The following CCL24 variants were observed in gnomAD, a reference collection of about 807,000 sequenced individuals.
CCL24 encodes the protein C-C motif chemokine ligand 24.
A neutral mutation model predicts 8.6 loss-of-function variants in CCL24; 6 were observed. The ratio of observed to expected loss-of-function variants is 0.70; its 90% CI spans 0.38 to 1.38. The LOEUF is 1.38. CCL24 is among the 40% of genes most tolerant of loss of function. CCL24 has a pLI of 0.02. For synonymous variants in CCL24, 59 were observed against 52.7 expected (o/e 1.12, Z -0.52); for missense variants, 126 against 147.1 (o/e 0.86, Z 0.74).
Position 75,813,352 on chromosome 7 carries a change from T to C in CCL24, c.145A>G (p.Ser49Gly), listed in dbSNP as rs2302007. The C allele has an allele frequency of 8.1e-6, 13 of 1,613,642 alleles. No homozygotes were observed. In the East Asian group the frequency reaches 2.9e-4, roughly 36 times the overall value. The change falls in exon 2 of 3, where the codon AGC becomes GGC. Residue 49 changes from serine (S) to glycine (G), a missense_variant. Transcript: ENST00000222902. ...GTGCTCCTGCTGGACAGCTGGTAGC[T>C]GACCACTCGGTTCTCAGGAATTCTC... The part of the protein sequence containing the change: ...SKRIPENRVV[S>G]YQLSSRSTCL...
Position 75,810,853 on chromosome 7 carries a change from T to G in CCL24, c.*943A>C, listed in dbSNP as rs564887753. On this transcript the variant is annotated 3_prime_UTR_variant, in exon 3 of 3. Coordinates refer to ENST00000222902, the MANE Select transcript of CCL24 (RefSeq NM_002991.3). ...AAAGAAAAAAAGAATCGCATTTTAT[T>G]TGGCCTATTATTTGAGAACAGCAAC... Among the ~76,000 whole-genome samples, 1 of 151,864 alleles carries G rather than the reference T, an allele frequency of 6.6e-6. No homozygotes were observed. Among genetic ancestry groups the G allele is most frequent in the African/African-American group, 2.4e-5 (1 of 41,384 alleles).
intron 1 of CCL24, among the ~76,000 whole-genome samples, chr7:75,822,120 A>G (rs1804064044): frequency 6.6e-6 from 1 of 151,992 alleles, no homozygotes; most frequent in South Asian, 2.1e-4. Context: ...AAGAAAAAAA[A>G]TCAGAACAAG....
chr7:75,812,075 G>T (rs2115774276), intron 2 of CCL24, 111 bp from the exon 3 acceptor site: 1 of 829,146 alleles, frequency 1.2e-6, no homozygotes, highest in Non-Finnish European at 1.9e-6. Context: ...TTCCTTGCAA[G>T]TTGCTGAGAT....
intron 1 of CCL24, among the ~76,000 whole-genome samples, chr7:75,820,018 A>ACGT (rs1230617445): frequency 0.065 from 6,809 of 104,564 alleles, 617 homozygotes; most frequent in African/African-American, 0.12. Context: ...TTAGTAAACT[A>ACGT]CTTCTTCTTC....
At chr7:75,818,824 G>C (rs1246857223) in intron 1 of CCL24, among the ~76,000 whole-genome samples, 1 of 151,952 alleles carries the variant, frequency 6.6e-6, no homozygotes, top group Non-Finnish European at 1.5e-5. Flanking sequence ...GTGTTGGCCA[G>C]AGCGGCCTCT....
Position 75,813,757 on chromosome 7 carries a change from C to T in CCL24, c.-42G>A, listed in dbSNP as rs1316764207. ...GCACCAGCTCGGGGCTCAAAGCTGA[C>T]GTGCAGGAGGAAAGGACCTAGGGAT... On this transcript the variant is annotated 5_prime_UTR_variant, in exon 1 of 3. Coordinates refer to ENST00000222902, the MANE Select transcript of CCL24 (RefSeq NM_002991.3). 2.0e-6 allele frequency: 3 copies of T among 1,538,082 alleles called. No individual in the cohort carries two copies. The highest frequency in any genetic ancestry group is 1.7e-4 in the Middle Eastern group (1 of 5,932).
intron 1 of CCL24, among the ~76,000 whole-genome samples, chr7:75,822,627 C>T (rs1356477877): frequency 7.2e-6 from 1 of 139,446 alleles, no homozygotes; most frequent in African/African-American, 2.6e-5. Flanking sequence ...GGGGTCAGTT[C>T]GAGACCAGCC....
At chr7:75,818,961 A>C (rs1395738334) in intron 1 of CCL24, among the ~76,000 whole-genome samples, 2 of 151,146 alleles carry the variant, frequency 1.3e-5, no homozygotes, top group Non-Finnish European at 2.9e-5. Context: ...ATATTATAGT[A>C]ATACAAGATT....
upstream of CCL24, chr7:75,813,884 GAAAA>G (rs1336252485): frequency 1.1e-5 from 6 of 542,696 alleles, no homozygotes; most frequent in African/African-American, 1.1e-4. Context: ...ACGCTTCCTT[GAAAA>G]TCCTGAGGCC....
upstream of CCL24, among the ~76,000 whole-genome samples, chr7:75,814,641 C>T (rs543383315): frequency 2.9e-4 from 44 of 152,020 alleles, 1 homozygote; most frequent in Middle Eastern, 6.8e-3. Flanking sequence ...GCTGTCAGGA[C>T]CGCTTTCCAT....
chr7:75,816,178 G>C (rs1803885524), upstream of CCL24, among the ~76,000 whole-genome samples: 1 of 152,178 alleles, frequency 6.6e-6, no homozygotes, highest in Non-Finnish European at 1.5e-5. Context: ...GCCAGCATTT[G>C]CAGAATGAAT....
intron 1 of CCL24, among the ~76,000 whole-genome samples, chr7:75,819,216 G>C (rs1554534584): frequency 7.8e-6 from 1 of 127,446 alleles, no homozygotes; most frequent in African/African-American, 3.0e-5. Context: ...TGTGGTAAGT[G>C]GAGATCGCAC....
intron 1 of CCL24, 92 bp downstream of exon 1, chr7:75,813,551 G>T (rs1480684718): frequency 7.6e-7 from 1 of 1,313,908 alleles, no homozygotes; most frequent in Non-Finnish European, 1.1e-6. Context: ...TTTCCCCAGC[G>T]CTTCCCTCCA....
upstream of CCL24, among the ~76,000 whole-genome samples, chr7:75,814,899 C>T (rs928858288): frequency 1.8e-4 from 28 of 151,922 alleles, no homozygotes; most frequent in Non-Finnish European, 2.8e-4. Context: ...CTTCCCGCGC[C>T]GACCAGATTC....
chr7:75,811,134 C>T lies in CCL24; in HGVS notation c.*662G>A, dbSNP rs1440367234. On this transcript the variant is annotated 3_prime_UTR_variant, in exon 3 of 3. Transcript: ENST00000222902. The stretch of plus-strand genomic sequence containing the variant: ...GCTGGCCCTTCACCCCAGTCCTCCA[C>T]GTTCATTTCCTTTAAAAAAAAAAAA... Among the ~76,000 whole-genome samples, 4 of 149,402 alleles carry T rather than the reference C, an allele frequency of 2.7e-5. No homozygotes were observed. The highest frequency in any genetic ancestry group is 7.4e-5 in the African/African-American group (3 of 40,518).
chr7:75,817,541 C>T (rs571213870), upstream of CCL24, among the ~76,000 whole-genome samples: 30 of 148,326 alleles, frequency 2.0e-4, no homozygotes, highest in South Asian at 5.3e-3. Flanking sequence ...TTCACTTTGT[C>T]ACCCAGGCTG....
upstream of CCL24, among the ~76,000 whole-genome samples, chr7:75,814,872 C>T (rs1028681310): frequency 1.3e-5 from 2 of 151,916 alleles, no homozygotes; most frequent in Admixed American, 6.6e-5. Context: ...TCTGTGCAGC[C>T]GGACTTTGCT....
At chr7:75,817,131 G>T (rs1469329302), upstream of CCL24, among the ~76,000 whole-genome samples, 8 of 152,062 alleles carry the variant, frequency 5.3e-5, no homozygotes, top group Admixed American at 2.0e-4. Flanking sequence ...CTCCCAAAGC[G>T]CTGGGATTAC....
chr7:75,818,354 G>A (rs1458122239), upstream of CCL24, among the ~76,000 whole-genome samples: 1 of 151,554 alleles, frequency 6.6e-6, no homozygotes, highest in Non-Finnish European at 1.5e-5. Context: ...GGCTGAAGCA[G>A]GAGAATCGCT....
Sources: allele counts gnomAD v4.1 joint callset (sites outside exome capture counted in the v4.1 genomes callset), GRCh38; gene constraint gnomAD v4.1.1; transcripts MANE v1.5; gene names NCBI Gene and HGNC (gene_info 2026-07-23, HGNC 2026-07-21).